The following ADAMTSL4 variants were observed in gnomAD, a reference collection of about 807,000 sequenced individuals.
ADAMTSL4 encodes the protein ADAMTS like 4.
Under a neutral mutation model 122.8 loss-of-function variants are expected in ADAMTSL4, and 97 were observed. The ratio of observed to expected loss-of-function variants is 0.79; its 90% CI spans 0.67 to 0.93. ADAMTSL4 has a LOEUF of 0.93. Ranked by LOEUF, ADAMTSL4 falls within the 40% of genes least tolerant of loss-of-function variation. The probability of loss-of-function intolerance (pLI) is 0.00; values close to 1 mark genes in which losing one functional copy is unlikely to be tolerated. For missense variants in ADAMTSL4, 1,408 were observed against 1,453.5 expected, an observed-to-expected ratio of 0.97 and a Z score of 0.51; for synonymous variants, 592 against 568.0, an observed-to-expected ratio of 1.04 and a Z score of -0.60.
Position 150,556,338 on chromosome 1 carries a change from C to T in ADAMTSL4, c.1548C>T (p.Ala516=). 1 of 1,614,070 alleles carries T rather than the reference C, an allele frequency of 6.2e-7. No homozygotes were observed. The highest frequency in any genetic ancestry group is 1.3e-5 in the African/African-American group (1 of 75,036). Residue 516 remains alanine, a synonymous_variant, in exon 9 of 19, where the codon GCC becomes GCT. Coordinates refer to ENST00000271643, the MANE Select transcript of ADAMTSL4 (RefSeq NM_019032.6). The surrounding 1 kb of genome is among the most constrained non-coding windows in gnomAD (Gnocchi z 4.1). ...CGGGAGCCTTGCGGCTCCAGATTGC[C>T]CAGCTCCGGCCTAGCTCCAACTACC... ...IPAGALRLQI[A]QLRPSSNYLA...
At position 150,552,628 on chromosome 1, in the gene ADAMTSL4, A is replaced by G; in HGVS notation, c.78+28A>G. 1 of 1,601,280 alleles carries G rather than the reference A, an allele frequency of 6.2e-7. No individual in the cohort carries two copies. The highest frequency in any genetic ancestry group is 8.5e-7 in the Non-Finnish European group (1 of 1,174,508). On this transcript the variant is annotated intron_variant, in intron 4 of 18. Transcript: ENST00000271643. This position sits in a 1 kb window ranked among gnomAD's most constrained non-coding sequence, Gnocchi z 4.0. ...GAGTTCTGGACAAGTGAGCAGCTGC[A>G]GCCTGCCTGCCACCCTTTCATCTCC...
Position 150,558,026 on chromosome 1 carries a change from A to G in ADAMTSL4, c.2259A>G (p.Glu753=), listed in dbSNP as rs1235891633. 1 of 1,612,698 alleles carries G rather than the reference A, an allele frequency of 6.2e-7. No homozygotes were observed. Among genetic ancestry groups the G allele is most frequent in the Admixed American group, 1.7e-5 (1 of 60,004 alleles). Residue 753 remains glutamate (E), a synonymous_variant, in exon 14 of 19, where the codon GAA becomes GAG. Coordinates refer to ENST00000271643, the MANE Select transcript of ADAMTSL4 (RefSeq NM_019032.6). ...ACCGCCAGCTGCAGTGCCGGCAGGAATTTGGGGGGGGTGGCTCCTCGGTGC... is the reference window on the plus strand; with the variant it reads ...ACCGCCAGCTGCAGTGCCGGCAGGAGTTTGGGGGGGGTGGCTCCTCGGTGC... The part of the protein sequence containing the change: ...TQHRQLQCRQ[E]FGGGGSSVPP...
At position 150,560,300 on chromosome 1, in the gene ADAMTSL4, G is replaced by A. The variant is rs1672646682; in HGVS notation, c.*104G>A. 3 of 1,527,454 alleles carry A rather than the reference G, an allele frequency of 2.0e-6. No individual in the cohort carries two copies. Among genetic ancestry groups the A allele is most frequent in the Non-Finnish European group, 2.7e-6 (3 of 1,130,066 alleles). 94.6% of individuals were successfully genotyped at this position (1,527,454 alleles called of 1,614,324 possible). On this transcript the variant is annotated 3_prime_UTR_variant, in exon 19 of 19. Transcript: ENST00000271643. ...TCTCCAGCCTGTCCCAGTCTCAGCA[G>A]GGATGTCCTCCAGGTGACAGAGGGT...
chr1:150,551,891 CAA>C (rs199813152), intron 2 of ADAMTSL4: 870 of 117,990 alleles, frequency 7.4e-3, no homozygotes, highest in East Asian at 0.01. Context: ...ATCTCCATCT[CAA>C]AAAAAAAAAA....
In ADAMTSL4 at chr1:150,556,172, G is replaced by A; in HGVS notation, c.1382G>A (p.Cys461Tyr). 1.2e-6 allele frequency: 2 copies of A among 1,614,154 alleles called. No homozygotes were observed. Among genetic ancestry groups the A allele is most frequent in the Non-Finnish European group, 8.5e-7 (1 of 1,180,028 alleles). Reference sequence around the variant, plus strand: ...CCTCACTCTCTCCAGAGCCCCGGCTGTGATGGGATCCTTGGCTCTGGCAGG... The same window carrying A: ...CCTCACTCTCTCCAGAGCCCCGGCTATGATGGGATCCTTGGCTCTGGCAGG... ...CVAGRCLSPG[C>Y]DGILGSGRRP... Residue 461 changes from cysteine to tyrosine, a missense_variant, in exon 9 of 19, where the codon TGT (cysteine) becomes TAT (tyrosine). Cys to Tyr is a radical substitution (Grantham distance 194). Coordinates refer to ENST00000271643, the MANE Select transcript of ADAMTSL4 (RefSeq NM_019032.6). The surrounding 1 kb of genome is among the most constrained non-coding windows in gnomAD (Gnocchi z 4.1).
chr1:150,553,056 C>A lies in ADAMTSL4; in HGVS notation c.237C>A (p.His79Gln), dbSNP rs963323596. 3.7e-5 allele frequency: 59 copies of A among 1,613,196 alleles called. No individual in the cohort carries two copies. Among genetic ancestry groups the A allele is most frequent in the Non-Finnish European group, 4.8e-5 (57 of 1,179,834 alleles). ...RTCQLPTVQL[H>Q]PSLPLPPRPP... ...GTCAGCTCCCTACAGTGCAGCTCCA[C>A]CCGAGTCTGCCCCTCCCTCCCCGGC... is the stretch of plus-strand genomic sequence containing the variant. The change falls in exon 5 of 19, where the codon CAC becomes CAA. Residue 79 changes from histidine to glutamine, a missense_variant. His to Gln is a conservative substitution (Grantham distance 24). Transcript: ENST00000271643.
intron 14 of ADAMTSL4, 151 bp from the exon 15 acceptor site, chr1:150,558,322 G>T: frequency 6.6e-7 from 1 of 1,516,560 alleles, no homozygotes. Flanking sequence ...GGGGCCCAGG[G>T]CCCTAGGGCT....
chr1:150,555,002 T>C (rs587680953), intron 7 of ADAMTSL4, among the ~76,000 whole-genome samples: 1 of 151,096 alleles, frequency 6.6e-6, no homozygotes, highest in Non-Finnish European at 1.5e-5. Context: ...TTTTTTTTTT[T>C]TTTCTGAGAC....
In ADAMTSL4 at chr1:150,554,619, G is replaced by A; in HGVS notation, c.1234+152G>A. On this transcript the variant is annotated intron_variant, in intron 7 of 18. Transcript: ENST00000271643. The surrounding 1 kb of genome is among the most constrained non-coding windows in gnomAD (Gnocchi z 4.0). ...CTTTCTTCTCCCTGGGGCTGGGTCA[G>A]GAGACAGCACAGGTGGTGAGTGGTC... 6.5e-7 allele frequency: 1 copy of A among 1,545,678 alleles called. No individual in the cohort carries two copies. Among genetic ancestry groups the A allele is most frequent in the Non-Finnish European group, 8.7e-7 (1 of 1,147,058 alleles).
rs1336513210 is a variant in ADAMTSL4, at chr1:150,554,444, ATCAGTGGGAGCCCT to A, written c.1215_1228del (p.Gln405HisfsTer2). 1 of 1,613,952 alleles carries A rather than the reference ATCAGTGGGAGCCCT, an allele frequency of 6.2e-7. No individual in the cohort carries two copies. The highest frequency in any genetic ancestry group is 1.3e-5 in the African/African-American group (1 of 74,882). On this transcript the variant is annotated frameshift_variant, in exon 7 of 19. Transcript: ENST00000271643. LOFTEE classifies it high-confidence loss of function. The surrounding 1 kb of genome is among the most constrained non-coding windows in gnomAD (Gnocchi z 4.0). ...TCCCAGGAATTCATGGGCCAGCTGT[ATCAGTGGGAGCCCT>A]TCACTGAAGGTGAGGTTTCTTGCTC...
chr1:150,550,295 CGT>C lies in ADAMTSL4; in HGVS notation c.-85+405_-85+406del, dbSNP rs1240501973. ...GAAAGGGGTGAGAAGCATAAATGTG[CGT>C]GTGTTTCTGCAGAGGAGGGGGCATG... On this transcript the variant is annotated intron_variant, in intron 2 of 18. Coordinates refer to ENST00000271643, the MANE Select transcript of ADAMTSL4 (RefSeq NM_019032.6). 3.6e-5 allele frequency: 16 copies of C among 443,010 alleles called. No homozygotes were observed. The Admixed American group carries it at 3.9e-4, about 11-fold the overall frequency. The allele number at this position is 443,010 out of a possible 1,614,324, so 27.4% of individuals were successfully genotyped here.
In ADAMTSL4 at chr1:150,552,468, T is replaced by TG; in HGVS notation, c.21-70dup. 1 of 1,603,476 alleles carries TG rather than the reference T, an allele frequency of 6.2e-7. No individual in the cohort carries two copies. The highest frequency in any genetic ancestry group is 8.5e-7 in the Non-Finnish European group (1 of 1,170,788). On this transcript the variant is annotated intron_variant, in intron 3 of 18. Transcript: ENST00000271643. This position sits in a 1 kb window ranked among gnomAD's most constrained non-coding sequence, Gnocchi z 4.0. ...TGGTAGTCAGGATATGGGAGCCGGC[T>TG]GGGGGCGGAGGGCAGTGTTGCAACA...
chr1:150,557,534 G>C lies in ADAMTSL4; in HGVS notation c.2088G>C (p.Ser696=). 1 of 1,612,086 alleles carries C rather than the reference G, an allele frequency of 6.2e-7. No individual in the cohort carries two copies. The highest frequency in any genetic ancestry group is 8.5e-7 in the Non-Finnish European group (1 of 1,179,530). ...TTTTCCTCTGCATCTCCCGTGAGTC[G>C]GGAGAGGAACTGGATGAACGCAGCT... The part of the protein sequence containing the change: ...RPIFLCISRE[S]GEELDERSCA... Residue 696 remains serine, a synonymous_variant, in exon 13 of 19, where the codon TCG becomes TCC. Coordinates refer to ENST00000271643, the MANE Select transcript of ADAMTSL4 (RefSeq NM_019032.6).
At position 150,560,625 on chromosome 1, in the gene ADAMTSL4, T is replaced by G. The variant is rs1271901512; in HGVS notation, c.*429T>G. The G allele has an allele frequency of 4.3e-6, 1 of 233,500 alleles. No individual in the cohort carries two copies. Among genetic ancestry groups the G allele is most frequent in the African/African-American group, 2.2e-5 (1 of 44,806 alleles). The allele number at this position is 233,500 out of a possible 1,614,324, so 14.5% of individuals were successfully genotyped here. On this transcript the variant is annotated 3_prime_UTR_variant, in exon 19 of 19. Transcript: ENST00000271643. Reference sequence around the variant, plus strand: ...GTGCCCTAAGCCTCATTTCTCATGTTCAGACCTCACATCTTCTAAGCCGCC... The same window carrying G: ...GTGCCCTAAGCCTCATTTCTCATGTGCAGACCTCACATCTTCTAAGCCGCC...
rs587601128 is a variant in ADAMTSL4, at chr1:150,558,907, C to T, written c.2560-55C>T. On this transcript the variant is annotated intron_variant, in intron 15 of 18. Transcript: ENST00000271643. The stretch of plus-strand genomic sequence containing the variant: ...GCGTCCCTCCCTGCCCCCCTACTGT[C>T]CCTTGTGCCAGTCACCAGCAGGCCC... The T allele has an allele frequency of 3.9e-6, 6 of 1,556,212 alleles. No homozygotes were observed. The Admixed American group carries it at 9.7e-5, about 25-fold the overall frequency.
At chr1:150,551,003 C>T (rs587689224) in intron 2 of ADAMTSL4, 2 of 455,570 alleles carry the variant, frequency 4.4e-6, no homozygotes, top group East Asian at 1.4e-4. Context: ...TTTTTTTTTT[C>T]CTGGAAAGCA....
At chr1:150,555,829 A>G (rs1265275331) in intron 8 of ADAMTSL4, 2 of 618,306 alleles carry the variant, frequency 3.2e-6, no homozygotes, top group Non-Finnish European at 5.8e-6. Flanking sequence ...ACACGTATGC[A>G]GACACATGCA....
chr1:150,555,927 C>T, intron 8 of ADAMTSL4: 1 of 616,440 alleles, frequency 1.6e-6, no homozygotes, highest in Non-Finnish European at 2.9e-6. Flanking sequence ...AAACACCATA[C>T]TGAGATCACT....
In ADAMTSL4 at chr1:150,556,482, G is replaced by C; in HGVS notation, c.1576+116G>C. On this transcript the variant is annotated intron_variant, in intron 9 of 18. Transcript: ENST00000271643. The surrounding 1 kb of genome is among the most constrained non-coding windows in gnomAD (Gnocchi z 4.1). ...AGTCCAGGGCCTAGCCCCTCCCCTC[G>C]TGGAAGGAGTGAGGAAGCTGAGAGG... is the stretch of plus-strand genomic sequence containing the variant. 1.3e-6 allele frequency: 2 copies of C among 1,563,422 alleles called. No individual in the cohort carries two copies. Among genetic ancestry groups the C allele is most frequent in the Non-Finnish European group, 1.8e-6 (2 of 1,140,000 alleles).
Sources: allele counts gnomAD v4.1 joint callset (sites outside exome capture counted in the v4.1 genomes callset), GRCh38; gene constraint gnomAD v4.1.1; non-coding constraint Gnocchi (gnomAD v3.1); transcripts MANE v1.5; gene names NCBI Gene and HGNC (gene_info 2026-07-23, HGNC 2026-07-21).